The following PTTG1IP variants were observed in gnomAD, a reference collection of about 807,000 sequenced individuals.
PTTG1IP encodes PTTG1 interacting protein.
A neutral mutation model predicts 24.4 loss-of-function variants in PTTG1IP; 16 were observed. The ratio of observed to expected loss-of-function variants is 0.66; its 90% CI spans 0.44 to 1.00. The LOEUF (loss-of-function observed/expected upper bound fraction) is 1.00. Among genes scored for constraint, PTTG1IP ranks in the 50% least tolerant of loss-of-function variants. PTTG1IP has a pLI of 0.00. For missense variants in PTTG1IP, 241 were observed against 245.8 expected, an observed-to-expected ratio of 0.98 and a Z score of 0.13; for synonymous variants, 89 against 96.8, an observed-to-expected ratio of 0.92 and a Z score of 0.47.
chr21:44,858,615 C>T (rs545025947), intron 3 of PTTG1IP, among the ~76,000 whole-genome samples: 14 of 152,320 alleles, frequency 9.2e-5, no homozygotes, highest in East Asian at 1.9e-4. Flanking sequence ...CCCTGCGTGG[C>T]GTGTGGTGCC....
intron 1 of PTTG1IP, among the ~76,000 whole-genome samples, chr21:44,868,361 G>A (rs2083559053): frequency 6.6e-6 from 1 of 152,178 alleles, no homozygotes; most frequent in Non-Finnish European, 1.5e-5. Context: ...CTGCTGAAAG[G>A]GCCTAGAAAG....
intron 5 of PTTG1IP, among the ~76,000 whole-genome samples, chr21:44,853,724 G>T (rs370995595): frequency 2.1e-3 from 320 of 149,572 alleles, no homozygotes; most frequent in African/African-American, 7.6e-3. Flanking sequence ...CACACACCGG[G>T]AAACAACAGG....
chr21:44,865,382 A>G lies in PTTG1IP; in HGVS notation c.168+13T>C. Reference sequence around the variant, plus strand: ...TGGACGGCACTCTGGTCTCTAGTCCACGTGCTACTTACGGAGACGTTCTTC... The same window carrying G: ...TGGACGGCACTCTGGTCTCTAGTCCGCGTGCTACTTACGGAGACGTTCTTC... On this transcript the variant is annotated intron_variant, in intron 2 of 5. Transcript: ENST00000330938. 1 of 1,613,802 alleles carries G rather than the reference A, an allele frequency of 6.2e-7. No individual in the cohort carries two copies. The highest frequency in any genetic ancestry group is 1.3e-5 in the African/African-American group (1 of 75,038).
chr21:44,861,014 G>A lies in PTTG1IP; in HGVS notation c.277+149C>T. ...AGACGGGGCTTCACCATGTTAGCCA[G>A]GATGGTCTCAATCTCCTGACCTCTT... On this transcript the variant is annotated intron_variant, in intron 3 of 5. Transcript: ENST00000330938. 6 of 565,706 alleles carry A rather than the reference G, an allele frequency of 1.1e-5. No homozygotes were observed. In the South Asian group the frequency reaches 1.2e-4, roughly 11 times the overall value. 35.0% of individuals were successfully genotyped at this position (565,706 alleles called of 1,614,324 possible). A position where few individuals can be genotyped will look rare whatever the true frequency, so the allele number is the denominator to read the frequency against.
chr21:44,856,479 A>G, intron 3 of PTTG1IP, 115 bp from the exon 4 acceptor site: 1 of 1,217,502 alleles, frequency 8.2e-7, no homozygotes, highest in East Asian at 2.6e-5. Flanking sequence ...TAAGGAGGAA[A>G]GCCGCCTCGG....
intron 5 of PTTG1IP, among the ~76,000 whole-genome samples, chr21:44,852,269 G>A (rs766196520): frequency 2.6e-5 from 4 of 151,680 alleles, no homozygotes; most frequent in African/African-American, 4.9e-5. Context: ...TGCAATCTCC[G>A]CCTCCTGGGT....
In PTTG1IP at chr21:44,872,657, C is replaced by T. The variant is rs535345827; in HGVS notation, c.115+845G>A. Reference sequence around the variant, plus strand: ...AGGCCCAGCCCCACAGGAAGCCACCCTCTATAAACACTGCCGGTTTCTGGA... The same window carrying T: ...AGGCCCAGCCCCACAGGAAGCCACCTTCTATAAACACTGCCGGTTTCTGGA... On this transcript the variant is annotated intron_variant, in intron 1 of 5. Coordinates refer to ENST00000330938, the MANE Select transcript of PTTG1IP (RefSeq NM_004339.4). 2.7e-3 allele frequency among the ~76,000 whole-genome samples: 412 copies of T among 152,304 alleles called. 2 individuals carry two copies. The highest frequency in any genetic ancestry group is 9.4e-3 in the African/African-American group (390 of 41,540).
At chr21:44,855,351 G>GA in intron 4 of PTTG1IP, 95 bp from the exon 5 acceptor site, 1 of 1,324,120 alleles carries the variant, frequency 7.6e-7, no homozygotes, top group Non-Finnish European at 1.1e-6. Flanking sequence ...GGGGGCGCCA[G>GA]GTTTCTTCTG....
chr21:44,858,545 T>C (rs1235136198), intron 3 of PTTG1IP, among the ~76,000 whole-genome samples: 3 of 152,162 alleles, frequency 2.0e-5, no homozygotes, highest in Non-Finnish European at 4.4e-5. Flanking sequence ...AACAAGCCCA[T>C]CGCACCCCAC....
At chr21:44,855,797 G>A (rs780059983) in intron 4 of PTTG1IP, among the ~76,000 whole-genome samples, 15 of 152,152 alleles carry the variant, frequency 9.9e-5, no homozygotes, top group South Asian at 2.1e-4. Flanking sequence ...GGAGAGTGCT[G>A]TGTCACCAGG....
intron 2 of PTTG1IP, among the ~76,000 whole-genome samples, chr21:44,863,029 C>T (rs2083504285): frequency 6.6e-6 from 1 of 152,102 alleles, no homozygotes; most frequent in South Asian, 2.1e-4. Context: ...AAGTAATATG[C>T]ACATAGCAAG....
At position 44,873,595 on chromosome 21, in the gene PTTG1IP, C is replaced by A; in HGVS notation, c.22G>T (p.Gly8Trp). Residue 8 changes from glycine to tryptophan, a missense_variant, in exon 1 of 6, where the codon GGG becomes TGG. Physicochemically the swap from Gly to Trp is radical, Grantham distance 184. Coordinates refer to ENST00000330938, the MANE Select transcript of PTTG1IP (RefSeq NM_004339.4). MAPGVAR[G>W]PTPYWRLRLG... ...CGCAACCTCCAGTACGGCGTCGGCC[C>A]GCGGGCCACTCCGGGCGCCATGGTC... is the stretch of plus-strand genomic sequence containing the variant. The A allele has an allele frequency of 6.9e-7, 1 of 1,452,984 alleles. No individual in the cohort carries two copies. The allele number at this position is 1,452,984 out of a possible 1,614,324, so 90.0% of individuals were successfully genotyped here. A position where few individuals can be genotyped will look rare whatever the true frequency, so the allele number is the denominator to read the frequency against.
At chr21:44,868,400 T>C (rs1392455247) in intron 1 of PTTG1IP, among the ~76,000 whole-genome samples, 1 of 152,206 alleles carries the variant, frequency 6.6e-6, no homozygotes, top group East Asian at 1.9e-4. Context: ...AGGTGTATTC[T>C]TGGTGCCCAG....
chr21:44,860,699 T>C (rs1208542933), intron 3 of PTTG1IP, among the ~76,000 whole-genome samples: 2 of 152,212 alleles, frequency 1.3e-5, no homozygotes, highest in Non-Finnish European at 1.5e-5. Flanking sequence ...TCCCCAGGGC[T>C]GCTTTCCCGG....
intron 5 of PTTG1IP, among the ~76,000 whole-genome samples, chr21:44,854,443 G>A (rs573758404): frequency 1.3e-5 from 2 of 150,918 alleles, no homozygotes; most frequent in African/African-American, 5.0e-5. Flanking sequence ...TGTCCATGAC[G>A]CCACACAACC....
intron 1 of PTTG1IP, chr21:44,872,981 G>A (rs546617483): frequency 2.2e-4 from 33 of 152,432 alleles, no homozygotes; most frequent in Admixed American, 6.5e-4. Context: ...TGGAACTGCG[G>A]CCGGGAGGGA....
chr21:44,859,284 T>C (rs912315775), intron 3 of PTTG1IP, among the ~76,000 whole-genome samples: 9 of 151,972 alleles, frequency 5.9e-5, no homozygotes, highest in Non-Finnish European at 5.9e-5. Flanking sequence ...CCCATGGGGG[T>C]CCTGACAGGA....
chr21:44,852,748 G>A (rs1420539877), intron 5 of PTTG1IP, among the ~76,000 whole-genome samples: 3 of 152,086 alleles, frequency 2.0e-5, no homozygotes, highest in South Asian at 2.1e-4. Context: ...TGAAAAACTC[G>A]CTCCTGAGTC....
intron 1 of PTTG1IP, among the ~76,000 whole-genome samples, chr21:44,871,429 A>C (rs779860726): frequency 2.6e-5 from 4 of 151,838 alleles, no homozygotes; most frequent in Non-Finnish European, 4.4e-5. Context: ...ATACACAAAT[A>C]AAGTGGGGTC....
Sources: gnomAD v4.1 joint callset for allele counts (sites outside exome capture counted in the v4.1 genomes callset) on GRCh38, gnomAD v4.1.1 for gene constraint, MANE v1.5 for transcripts, NCBI Gene and HGNC (gene_info 2026-07-23, HGNC 2026-07-21) for gene names.